Variants in MAGI2 observed in about 807,000 individuals in gnomAD.
The protein encoded by MAGI2 is membrane-associated guanylate kinase, WW and PDZ domain-containing protein 2.
MAGI2 carries 35 observed loss-of-function variants against 133.3 expected under a neutral mutation model. The observed-to-expected ratio is 0.26, with a 90% CI of 0.20 to 0.35. The LOEUF (loss-of-function observed/expected upper bound fraction) is 0.35. Among genes scored for constraint, MAGI2 ranks in the 10% least tolerant of loss-of-function variants. MAGI2 has a pLI of 1.00. For synonymous variants in MAGI2, 729 were observed against 710.6 expected (o/e 1.03, Z -0.41); for missense variants, 1,636 against 1,863.4 (o/e 0.88, Z 2.25).
At chr7:78,665,972 A>G (rs1443347236) in intron 2 of MAGI2, among the ~76,000 whole-genome samples, 1 of 152,162 alleles carries the variant, frequency 6.6e-6, no homozygotes, top group African/African-American at 2.4e-5. Flanking sequence ...GCTTAGTGGG[A>G]TAAGGAAACA....
intron 2 of MAGI2, among the ~76,000 whole-genome samples, chr7:78,644,345 C>G (rs1242902520): frequency 6.6e-6 from 1 of 152,018 alleles, no homozygotes; most frequent in African/African-American, 2.4e-5. Flanking sequence ...TTATAGAACA[C>G]TTAACAATAT....
At chr7:78,461,903 C>A (rs905277788) in intron 6 of MAGI2, among the ~76,000 whole-genome samples, 2 of 17,006 alleles carry the variant, frequency 1.2e-4, no homozygotes, top group Admixed American at 8.5e-4. Flanking sequence ...AAGAGCAAAG[C>A]AAAATTCCGT....
intron 1 of MAGI2, among the ~76,000 whole-genome samples, chr7:79,220,729 A>G (rs1404126198): frequency 2.6e-5 from 4 of 152,082 alleles, no homozygotes; most frequent in African/African-American, 9.7e-5. Context: ...AACTCTTTGA[A>G]ACATTATCAA....
At chr7:78,906,415 G>T (rs139992437) in intron 2 of MAGI2, among the ~76,000 whole-genome samples, 1 of 152,156 alleles carries the variant, frequency 6.6e-6, no homozygotes, top group African/African-American at 2.4e-5. Context: ...GAGGTCTCTC[G>T]TCTATCATCA....
chr7:78,949,788 C>T (rs564752583), intron 2 of MAGI2, among the ~76,000 whole-genome samples: 5 of 152,158 alleles, frequency 3.3e-5, no homozygotes, highest in African/African-American at 4.8e-5. Context: ...CATGAAGGTG[C>T]ATCTCTCACA....
chr7:79,442,190 T>C (rs1433310968), intron 1 of MAGI2, among the ~76,000 whole-genome samples: 1 of 152,188 alleles, frequency 6.6e-6, no homozygotes, highest in Non-Finnish European at 1.5e-5. Context: ...ACAACTAATA[T>C]ATACAACACA....
chr7:78,999,581 G>A (rs138288559), intron 2 of MAGI2, among the ~76,000 whole-genome samples: 3 of 152,252 alleles, frequency 2.0e-5, no homozygotes, highest in Non-Finnish European at 2.9e-5. Context: ...AATGTTTTCA[G>A]TAAGAAAGAA....
chr7:79,011,602 G>C (rs1428462801), intron 1 of MAGI2, among the ~76,000 whole-genome samples: 1 of 152,112 alleles, frequency 6.6e-6, no homozygotes, highest in Non-Finnish European at 1.5e-5. Context: ...GGAGAAAGCA[G>C]TTCACTAATT....
At chr7:78,922,132 T>TCTTC (rs1167686469) in intron 2 of MAGI2, among the ~76,000 whole-genome samples, 2 of 144,730 alleles carry the variant, frequency 1.4e-5, no homozygotes, top group Non-Finnish European at 3.0e-5. Flanking sequence ...ATTCTTTCTT[T>TCTTC]CTTTCTTTCT....
chr7:78,469,839 C>T (rs1053426101), intron 6 of MAGI2, among the ~76,000 whole-genome samples: 5 of 152,206 alleles, frequency 3.3e-5, no homozygotes, highest in Middle Eastern at 3.4e-3. Flanking sequence ...CTGTAATCAT[C>T]GCAGGATGGG....
chr7:79,127,761 T>C (rs1350529024), intron 1 of MAGI2, among the ~76,000 whole-genome samples: 4 of 152,232 alleles, frequency 2.6e-5, no homozygotes, highest in South Asian at 2.1e-4. Flanking sequence ...CCTGTTCACT[T>C]TGATGGTAGT....
intron 2 of MAGI2, among the ~76,000 whole-genome samples, chr7:78,632,157 G>A (rs1022930311): frequency 3.3e-5 from 5 of 152,156 alleles, no homozygotes; most frequent in African/African-American, 1.2e-4. Context: ...CTAGATGCTT[G>A]AGCTATATCT....
intron 2 of MAGI2, among the ~76,000 whole-genome samples, chr7:78,993,287 A>G (rs547192170): frequency 1.5e-3 from 235 of 152,262 alleles, no homozygotes; most frequent in African/African-American, 5.5e-3. Flanking sequence ...TAAATCTTTT[A>G]AATAAAATCT....
intron 9 of MAGI2, among the ~76,000 whole-genome samples, chr7:78,284,811 A>G (rs1031001905): frequency 1.3e-5 from 2 of 152,012 alleles, no homozygotes; most frequent in African/African-American, 4.8e-5. Context: ...ATGGTAGGAG[A>G]ATCTTCCTCC....
intron 9 of MAGI2, among the ~76,000 whole-genome samples, chr7:78,329,551 A>G (rs1788957931): frequency 6.6e-6 from 1 of 152,226 alleles, no homozygotes; most frequent in Admixed American, 6.5e-5. Flanking sequence ...ATATGCACCA[A>G]TATCCTATAT....
At chr7:78,079,832 T>C (rs1236044620) in intron 20 of MAGI2, among the ~76,000 whole-genome samples, 1 of 152,224 alleles carries the variant, frequency 6.6e-6, no homozygotes, top group African/African-American at 2.4e-5. Flanking sequence ...TTGGCGTTTG[T>C]GAATAGATAG....
intron 2 of MAGI2, among the ~76,000 whole-genome samples, chr7:78,836,938 C>T (rs1029078487): frequency 6.6e-6 from 1 of 152,166 alleles, no homozygotes; most frequent in Admixed American, 6.6e-5. Context: ...ACATAGGTGT[C>T]TAGGTAGTTA....
intron 1 of MAGI2, among the ~76,000 whole-genome samples, chr7:79,038,629 A>T (rs1303168540): frequency 1.3e-5 from 2 of 152,226 alleles, no homozygotes; most frequent in Non-Finnish European, 2.9e-5. Flanking sequence ...TTTGTTCATC[A>T]AGAATCATAT....
chr7:78,298,241 A>C (rs1797486049), intron 9 of MAGI2, among the ~76,000 whole-genome samples: 1 of 152,112 alleles, frequency 6.6e-6, no homozygotes, highest in Non-Finnish European at 1.5e-5. Flanking sequence ...AGTCTAAAAA[A>C]CTGTCATGGC....
Sources: allele counts gnomAD v4.1 joint callset (sites outside exome capture counted in the v4.1 genomes callset), GRCh38; gene constraint gnomAD v4.1.1; transcripts MANE v1.5; gene names NCBI Gene and HGNC (gene_info 2026-07-23, HGNC 2026-07-21).